The following TIAM2 variants were observed in gnomAD, a reference collection of about 807,000 sequenced individuals.
TIAM2 encodes rho guanine nucleotide exchange factor TIAM2.
TIAM2 carries 80 observed loss-of-function variants against 152.9 expected under a neutral mutation model. The ratio of observed to expected loss-of-function variants is 0.52; its 90% CI spans 0.44 to 0.63. The LOEUF (loss-of-function observed/expected upper bound fraction) is 0.63, where lower values mean the gene tolerates loss of function less well. Ranked by LOEUF, TIAM2 falls within the 30% of genes least tolerant of loss-of-function variation. TIAM2 has a pLI of 0.00. For synonymous variants in TIAM2, 804 were observed against 838.0 expected, an observed-to-expected ratio of 0.96 and a Z score of 0.70; for missense variants, 1,965 against 2,120.1, an observed-to-expected ratio of 0.93 and a Z score of 1.44.
At chr6:155,022,692 A>G (rs1011264990) in intron 1 of TIAM2, 2 of 152,250 alleles carry the variant, frequency 1.3e-5, no homozygotes, top group Admixed American at 6.5e-5. Flanking sequence ...GTTGTGTTCA[A>G]CTGTCACCTT....
chr6:155,256,269 A>G (rs1784016148), intron 26 of TIAM2: 2 of 648,568 alleles, frequency 3.1e-6, no homozygotes, highest in Non-Finnish European at 5.2e-6. Context: ...TAATCTAAAA[A>G]TGCTGAATTG....
At chr6:155,124,400 G>A (rs1051710217) in intron 2 of TIAM2, among the ~76,000 whole-genome samples, 2 of 151,210 alleles carry the variant, frequency 1.3e-5, no homozygotes, top group Admixed American at 1.3e-4. Flanking sequence ...GCACAATCTC[G>A]GCTCACCGCA....
At chr6:155,191,219 C>T (rs575381972) in intron 14 of TIAM2, among the ~76,000 whole-genome samples, 13 of 152,280 alleles carry the variant, frequency 8.5e-5, no homozygotes, top group African/African-American at 2.9e-4. Flanking sequence ...GGTCCTGGCT[C>T]CAGCCTCTCC....
chr6:155,062,141 A>T (rs1377664578), intron 1 of TIAM2, among the ~76,000 whole-genome samples: 4 of 121,998 alleles, frequency 3.3e-5, no homozygotes. Flanking sequence ...TTGAAGATTT[A>T]TCTGGGTTAC....
At chr6:155,153,519 C>T (rs1449212009) in intron 7 of TIAM2, among the ~76,000 whole-genome samples, 1 of 151,824 alleles carries the variant, frequency 6.6e-6, no homozygotes, top group Non-Finnish European at 1.5e-5. Flanking sequence ...ATGATTTAGT[C>T]ACATGTTCCT....
chr6:155,032,095 G>GTTTTGACCCA (rs1554225710), intron 1 of TIAM2, among the ~76,000 whole-genome samples: 1 of 151,790 alleles, frequency 6.6e-6, no homozygotes, highest in African/African-American at 2.4e-5. Flanking sequence ...AGGGAAAAAA[G>GTTTTGACCCA]GTGGGAGAGG....
chr6:155,251,436 G>A (rs1403120705), intron 22 of TIAM2, among the ~76,000 whole-genome samples: 6 of 152,020 alleles, frequency 3.9e-5, no homozygotes, highest in Non-Finnish European at 7.4e-5. Flanking sequence ...ACAGGTGCTC[G>A]CCACCACGCC....
At chr6:155,189,796 A>C (rs1182419774) in intron 14 of TIAM2, among the ~76,000 whole-genome samples, 6 of 152,338 alleles carry the variant, frequency 3.9e-5, no homozygotes, top group Admixed American at 3.3e-4. Flanking sequence ...TCTGTTTTAC[A>C]AGAGCAAAGG....
At position 155,199,179 on chromosome 6, in the gene TIAM2, G is replaced by C. The variant is rs925731235; in HGVS notation, c.3065-12025G>C. ...CAACCTCTGCCTCCCAGGTTCAAGC[G>C]ATTCTCCTGCCTCAGCCTCCTGAGT... On this transcript the variant is annotated intron_variant, in intron 14 of 26. Transcript: ENST00000682666. Among the ~76,000 whole-genome samples, 139 of 151,904 alleles carry C rather than the reference G, an allele frequency of 9.2e-4. 1 individual carries two copies. Among genetic ancestry groups the C allele is most frequent in the African/African-American group, 3.2e-3 (132 of 41,322 alleles).
At chr6:155,123,638 C>T (rs896149569) in intron 2 of TIAM2, among the ~76,000 whole-genome samples, 5 of 152,192 alleles carry the variant, frequency 3.3e-5, no homozygotes, top group African/African-American at 4.8e-5. Context: ...AGTGATTCTG[C>T]GGCTTTGAAT....
intron 15 of TIAM2, among the ~76,000 whole-genome samples, chr6:155,238,053 A>C (rs1226907187): frequency 6.6e-6 from 1 of 152,208 alleles, no homozygotes; most frequent in East Asian, 1.9e-4. Context: ...TGCCTCCTCT[A>C]TAAGGCTGAA....
At chr6:155,222,096 G>A (rs1238194809) in intron 15 of TIAM2, among the ~76,000 whole-genome samples, 1 of 151,918 alleles carries the variant, frequency 6.6e-6, no homozygotes, top group Non-Finnish European at 1.5e-5. Flanking sequence ...TGGGACCACA[G>A]GTGCACGCCA....
intron 4 of TIAM2, among the ~76,000 whole-genome samples, chr6:155,134,576 C>T (rs1490254717): frequency 1.3e-5 from 2 of 152,096 alleles, no homozygotes; most frequent in Non-Finnish European, 2.9e-5. Flanking sequence ...CGTCATGGCC[C>T]TTGCAGGGTA....
chr6:155,056,140 G>A (rs551132375), intron 1 of TIAM2, among the ~76,000 whole-genome samples: 9 of 139,402 alleles, frequency 6.5e-5, no homozygotes, highest in Non-Finnish European at 1.2e-4. Flanking sequence ...TGTCTAATTG[G>A]TTCTAATGGA....
chr6:155,159,653 T>G (rs1184821412), intron 7 of TIAM2, among the ~76,000 whole-genome samples: 1 of 152,124 alleles, frequency 6.6e-6, no homozygotes, highest in African/African-American at 2.4e-5. Context: ...CACTTGTACC[T>G]CTTCTTCCCT....
chr6:155,137,656 G>T, intron 5 of TIAM2, 44 bp downstream of exon 5: 3 of 1,510,050 alleles, frequency 2.0e-6, no homozygotes, highest in African/African-American at 1.4e-5. Context: ...GATTGTTTCC[G>T]CCAGCCGTGC....
chr6:155,104,751 T>C (rs1305155966), intron 2 of TIAM2, among the ~76,000 whole-genome samples: 2 of 110,424 alleles, frequency 1.8e-5, no homozygotes, highest in Non-Finnish European at 3.8e-5. Context: ...AGAGAGACTC[T>C]GTCTCAAAAA....
At chr6:155,076,063 G>A (rs534247090) in intron 1 of TIAM2, among the ~76,000 whole-genome samples, 3 of 152,318 alleles carry the variant, frequency 2.0e-5, no homozygotes, top group East Asian at 1.9e-4. Flanking sequence ...GACTAGAAGC[G>A]TCTGCATTTT....
chr6:155,082,960 G>T (rs17798719), intron 1 of TIAM2, among the ~76,000 whole-genome samples: 4,127 of 152,180 alleles, frequency 0.027, 182 homozygotes, highest in Admixed American at 0.13. Context: ...ATTTGTTTAT[G>T]AATCTTATTC....
Sources: gnomAD v4.1 joint callset for allele counts (sites outside exome capture counted in the v4.1 genomes callset) on GRCh38, gnomAD v4.1.1 for gene constraint, MANE v1.5 for transcripts, NCBI Gene and HGNC (gene_info 2026-07-23, HGNC 2026-07-21) for gene names.